The following SLC24A1 variants were observed in gnomAD, a reference collection of about 807,000 sequenced individuals.
SLC24A1 encodes the protein sodium/potassium/calcium exchanger 1.
SLC24A1 carries 52 observed loss-of-function variants against 88.1 expected under a neutral mutation model. That is an observed-to-expected ratio of 0.59 (90% CI 0.47 to 0.74). SLC24A1 has a LOEUF of 0.74. Ranked by LOEUF, SLC24A1 falls within the 30% of genes least tolerant of loss-of-function variation. SLC24A1 has a pLI of 0.00. For synonymous variants in SLC24A1, 455 were observed against 498.0 expected, an observed-to-expected ratio of 0.91 and a Z score of 1.15; for missense variants, 1,173 against 1,363.3, an observed-to-expected ratio of 0.86 and a Z score of 2.20.
intron 9 of SLC24A1, among the ~76,000 whole-genome samples, chr15:65,653,466 A>AT (rs1468117510): frequency 6.6e-6 from 1 of 151,798 alleles, no homozygotes; most frequent in African/African-American, 2.4e-5. Flanking sequence ...TACATATCAC[A>AT]TTGGGGCTGG....
In SLC24A1 at chr15:65,628,903, C is replaced by T. The variant is rs902986308; in HGVS notation, c.1890+2933C>T. On this transcript the variant is annotated intron_variant, in intron 2 of 9. Coordinates refer to ENST00000261892, the MANE Select transcript of SLC24A1 (RefSeq NM_004727.3). ...AAGCCACTTTGCTTTTCAAACAGGA[C>T]TTAGGTTGCTCGTCTGTAAAGTGAA... Among the ~76,000 whole-genome samples the T allele has an allele frequency of 9.2e-5, 14 of 152,302 alleles. 1 individual carries two copies. The South Asian group carries it at 2.1e-3, about 23-fold the overall frequency.
chr15:65,629,365 TAGTA>T (rs1328195037), intron 2 of SLC24A1, among the ~76,000 whole-genome samples: 1 of 152,200 alleles, frequency 6.6e-6, no homozygotes, highest in Non-Finnish European at 1.5e-5. Context: ...CATAGACATA[TAGTA>T]AGTATTTTAG....
At position 65,625,527 on chromosome 15, in the gene SLC24A1, G is replaced by A. The variant is rs186098933; in HGVS notation, c.1447G>A (p.Val483Ile). ...CDEYFVPALG[V>I]ITDKLQISED... Reference sequence around the variant, plus strand: ...CGAGTACTTCGTTCCAGCCCTGGGTGTCATCACAGACAAGCTGCAGATCTC... The same window carrying A: ...CGAGTACTTCGTTCCAGCCCTGGGTATCATCACAGACAAGCTGCAGATCTC... The change falls in exon 2 of 10, where the codon GTC becomes ATC. Residue 483 changes from valine (V) to isoleucine (I), a missense_variant. Physicochemically the swap from Val to Ile is conservative, Grantham distance 29. Coordinates refer to ENST00000261892, the MANE Select transcript of SLC24A1 (RefSeq NM_004727.3). 1.5e-5 allele frequency: 25 copies of A among 1,614,044 alleles called. No individual in the cohort carries two copies. The East Asian group carries it at 4.9e-4, about 32-fold the overall frequency.
rs1260605255 is a variant in SLC24A1, at chr15:65,624,014, A to G, written c.-67A>G. On this transcript the variant is annotated 5_prime_UTR_variant, in exon 2 of 10. Coordinates refer to ENST00000261892, the MANE Select transcript of SLC24A1 (RefSeq NM_004727.3). ...AAATCTTCTCTGATCACCAACCTGA[A>G]TCCCAGAGTAGCCTCCATCTTAGGA... is the stretch of plus-strand genomic sequence containing the variant. The G allele has an allele frequency of 1.3e-5, 18 of 1,411,842 alleles. No individual in the cohort carries two copies. The highest frequency in any genetic ancestry group is 1.7e-5 in the Non-Finnish European group (18 of 1,042,146). 87.5% of individuals were successfully genotyped at this position (1,411,842 alleles called of 1,614,324 possible). A position where few individuals can be genotyped will look rare whatever the true frequency, so the allele number is the denominator to read the frequency against.
At chr15:65,634,748 A>G (rs1219198007) in intron 2 of SLC24A1, among the ~76,000 whole-genome samples, 4 of 145,740 alleles carry the variant, frequency 2.7e-5, no homozygotes, top group East Asian at 1.9e-4. Flanking sequence ...ACCAAAAAAA[A>G]AAAAAAAAAA....
At chr15:65,652,612 C>A in intron 8 of SLC24A1, 30 bp from the exon 9 acceptor site, 1 of 1,609,660 alleles carries the variant, frequency 6.2e-7, no homozygotes, top group East Asian at 2.2e-5. Flanking sequence ...TCAGGTTTTT[C>A]ACCTACTGTT....
chr15:65,635,446 C>CAAAAAAAA (rs56960432), intron 2 of SLC24A1, among the ~76,000 whole-genome samples: 2 of 58,352 alleles, frequency 3.4e-5, no homozygotes, highest in East Asian at 1.2e-3. Context: ...ACTCCGTCTC[C>CAAAAAAAA]AAAAAAAAAA....
Position 65,625,385 on chromosome 15 carries a change from C to A in SLC24A1, c.1305C>A (p.His435Gln), listed in dbSNP as rs770840000. ...TGCCTCCCAGCTTGCCAGACCTCCA[C>A]CCCAAGGGAGAGTACCCCCCAGATC... The part of the protein sequence containing the change: ...SVLPPSLPDL[H>Q]PKGEYPPDLF... The change falls in exon 2 of 10, where the codon CAC becomes CAA. Residue 435 changes from histidine to glutamine, a missense_variant. Coordinates refer to ENST00000261892, the MANE Select transcript of SLC24A1 (RefSeq NM_004727.3). The A allele has an allele frequency of 3.7e-6, 6 of 1,614,046 alleles. No homozygotes were observed. Among genetic ancestry groups the A allele is most frequent in the Middle Eastern group, 1.6e-4 (1 of 6,062 alleles).
Position 65,644,484 on chromosome 15 carries a change from C to T in SLC24A1, c.2111C>T (p.Pro704Leu). The T allele has an allele frequency of 6.3e-7, 1 of 1,595,082 alleles. No individual in the cohort carries two copies. Among genetic ancestry groups the T allele is most frequent in the Non-Finnish European group, 8.5e-7 (1 of 1,171,006 alleles). ...TTGAATCAAGGGGCCAGAGCCCAAC[C>T]CCAGGCCAAAGCAGAAAGCAAACCA... is the stretch of plus-strand genomic sequence containing the variant. Reference protein sequence around the residue: ...ESLNQGARAQPQAKAESKPEE... With the variant: ...ESLNQGARAQLQAKAESKPEE... Residue 704 changes from proline to leucine, a missense_variant, in exon 5 of 10, where the codon CCC (proline) becomes CTC (leucine). Coordinates refer to ENST00000261892, the MANE Select transcript of SLC24A1 (RefSeq NM_004727.3).
At chr15:65,652,849 C>T in intron 9 of SLC24A1, 41 bp downstream of exon 9, 7 of 1,474,490 alleles carry the variant, frequency 4.7e-6, no homozygotes, top group Non-Finnish European at 6.5e-6. Flanking sequence ...TTAAGTATGA[C>T]TGGAAAACAC....
intron 2 of SLC24A1, among the ~76,000 whole-genome samples, chr15:65,636,514 C>T (rs1039889032): frequency 2.0e-5 from 3 of 150,926 alleles, no homozygotes; most frequent in African/African-American, 7.3e-5. Context: ...CCCAGGAGGT[C>T]GAGGCCACAA....
Position 65,614,419 on chromosome 15 carries a change from A to G in SLC24A1, c.-228+1806A>G, listed in dbSNP as rs570272238. 2.0e-5 allele frequency among the ~76,000 whole-genome samples: 3 copies of G among 152,338 alleles called. No homozygotes were observed. The East Asian group carries it at 5.8e-4, about 29-fold the overall frequency. On this transcript the variant is annotated intron_variant, in intron 2 of 11. Coordinates refer to the SLC24A1 transcript ENST00000537259. ...AATATTCAGTTGTGTCATAAATATCATAAATTTTACTTTTTTACACTTTGG... is the reference window on the plus strand; with the variant it reads ...AATATTCAGTTGTGTCATAAATATCGTAAATTTTACTTTTTTACACTTTGG...
intron 7 of SLC24A1, among the ~76,000 whole-genome samples, chr15:65,651,188 A>G (rs1000153911): frequency 2.0e-5 from 3 of 152,092 alleles, no homozygotes; most frequent in Non-Finnish European, 2.9e-5. Flanking sequence ...AGCAGCATAC[A>G]CTAGTCCCTC....
At chr15:65,619,630 A>G (rs955562885), upstream of SLC24A1, among the ~76,000 whole-genome samples, 20 of 152,144 alleles carry the variant, frequency 1.3e-4, 1 homozygote, top group African/African-American at 4.8e-4. Flanking sequence ...GCAACTCCTG[A>G]TGTAGACCCA....
intron 2 of SLC24A1, among the ~76,000 whole-genome samples, chr15:65,614,416 A>G (rs2074069616): frequency 6.6e-6 from 1 of 152,234 alleles, no homozygotes. Flanking sequence ...TGTCATAAAT[A>G]TCATAAATTT....
At position 65,655,154 on chromosome 15, in the gene SLC24A1, C is replaced by T. The variant is rs958051840; in HGVS notation, c.*1075C>T. 7 of 990,816 alleles carry T rather than the reference C, an allele frequency of 7.1e-6. No homozygotes were observed. The highest frequency in any genetic ancestry group is 7.2e-6 in the Non-Finnish European group (6 of 833,474). 61.4% of individuals were successfully genotyped at this position (990,816 alleles called of 1,614,324 possible). A position where few individuals can be genotyped will look rare whatever the true frequency, so the allele number is the denominator to read the frequency against. On this transcript the variant is annotated 3_prime_UTR_variant, in exon 10 of 10. Coordinates refer to ENST00000261892, the MANE Select transcript of SLC24A1 (RefSeq NM_004727.3). ...ACATTCTAATGGAATGTCCTGGCTC[C>T]ACCCTCCAGCATGTTCTCACCCAAC...
intron 4 of SLC24A1, among the ~76,000 whole-genome samples, chr15:65,641,465 C>G (rs1851351459): frequency 6.6e-6 from 1 of 150,832 alleles, no homozygotes; most frequent in African/African-American, 2.4e-5. Context: ...AAGGTAAGAA[C>G]AGAGAGAGAG....
chr15:65,634,756 A>G (rs996468049), intron 2 of SLC24A1, among the ~76,000 whole-genome samples: 6 of 149,662 alleles, frequency 4.0e-5, no homozygotes, highest in Non-Finnish European at 7.5e-5. Context: ...AAAAAAAAAA[A>G]AAGAAAAAGA....
intron 5 of SLC24A1, among the ~76,000 whole-genome samples, 200 bp from the exon 6 acceptor site, chr15:65,645,412 C>G (rs2075270254): frequency 1.3e-5 from 2 of 152,232 alleles, no homozygotes; most frequent in African/African-American, 4.8e-5. Context: ...CACTTGCCAA[C>G]TGTCTTCTCA....
Sources: allele counts gnomAD v4.1 joint callset (sites outside exome capture counted in the v4.1 genomes callset), GRCh38; gene constraint gnomAD v4.1.1; transcripts MANE v1.5; gene names NCBI Gene and HGNC (gene_info 2026-07-23, HGNC 2026-07-21).